The following SUMF1 variants were observed in gnomAD, a reference collection of about 807,000 sequenced individuals.
SUMF1 encodes formylglycine-generating enzyme.
In SUMF1, 48 loss-of-function variants were observed where a neutral mutation model predicts 47.6. The ratio of observed to expected loss-of-function variants is 1.01; its 90% CI spans 0.80 to 1.28. The LOEUF (loss-of-function observed/expected upper bound fraction) is 1.28, where lower values mean the gene tolerates loss of function less well. SUMF1 is among the 50% of genes most tolerant of loss of function. The pLI, the probability that SUMF1 is intolerant of heterozygous loss-of-function variation, is 0.00. For synonymous variants in SUMF1, 230 were observed against 192.1 expected, an observed-to-expected ratio of 1.20 and a Z score of -1.63; for missense variants, 571 against 485.4, an observed-to-expected ratio of 1.18 and a Z score of -1.66.
intron 8 of SUMF1, among the ~76,000 whole-genome samples, chr3:4,222,780 G>C (rs929565626): frequency 1.3e-5 from 2 of 152,120 alleles, no homozygotes; most frequent in Non-Finnish European, 2.9e-5. Context: ...CAGGATTCCT[G>C]AGTCATTGCC....
chr3:4,314,069 G>C, intron 8 of SUMF1: 1 of 480,016 alleles, frequency 2.1e-6, no homozygotes, highest in East Asian at 3.5e-5. Flanking sequence ...TCTTCCTGCT[G>C]GCTGGAATGT....
At chr3:4,191,945 G>A (rs17040166) in intron 8 of SUMF1, among the ~76,000 whole-genome samples, 3,478 of 152,218 alleles carry the variant, frequency 0.023, 143 homozygotes, top group African/African-American at 0.078. Context: ...TCTGTGAGAA[G>A]AGTGTTATTT....
At chr3:4,114,540 A>G (rs183435150) in intron 8 of SUMF1, among the ~76,000 whole-genome samples, 2 of 152,258 alleles carry the variant, frequency 1.3e-5, no homozygotes, top group Admixed American at 6.5e-5. Flanking sequence ...TATTATTTGC[A>G]TTTTATAATA....
At chr3:4,222,917 T>A (rs768476903) in intron 8 of SUMF1, among the ~76,000 whole-genome samples, 13 of 152,020 alleles carry the variant, frequency 8.6e-5, no homozygotes, top group Non-Finnish European at 1.5e-4. Context: ...CTACAACAAG[T>A]TGATGGCAGA....
chr3:4,224,053 A>G (rs1209929330), intron 8 of SUMF1, among the ~76,000 whole-genome samples: 2 of 152,116 alleles, frequency 1.3e-5, no homozygotes, highest in African/African-American at 4.8e-5. Context: ...CAAAAGAACC[A>G]GGGGCCGGGG....
intron 8 of SUMF1, among the ~76,000 whole-genome samples, chr3:4,246,948 T>A (rs1328021750): frequency 6.6e-6 from 1 of 152,176 alleles, no homozygotes; most frequent in Non-Finnish European, 1.5e-5. Flanking sequence ...GTTTAGCCAG[T>A]TTTTTTCAGG....
At chr3:4,358,430 G>A (rs77966112), downstream of SUMF1, among the ~76,000 whole-genome samples, 8 of 152,262 alleles carry the variant, frequency 5.3e-5, no homozygotes, top group East Asian at 5.8e-4. Context: ...CGGTCTGCTC[G>A]GCTCCAACTG....
intron 7 of SUMF1, among the ~76,000 whole-genome samples, chr3:4,405,176 G>C (rs1701336529): frequency 6.6e-6 from 1 of 152,168 alleles, no homozygotes; most frequent in Non-Finnish European, 1.5e-5. Context: ...ATCATGCAAT[G>C]GCAAAGAAGT....
At chr3:4,065,257 A>T (rs1287269581) in intron 9 of SUMF1, among the ~76,000 whole-genome samples, 1 of 152,194 alleles carries the variant, frequency 6.6e-6, no homozygotes, top group East Asian at 1.9e-4. Context: ...CAGAGAAGCA[A>T]TTACCTCTCC....
Position 4,350,094 on chromosome 3 carries a change from G to A in SUMF1, c.1014+26236C>T, listed in dbSNP as rs556499893. ...TGGGTCACTGCAACCTCTGCCTTCC[G>A]TGTTTGAGCAATTCTCCTGCCTCAG... On this transcript the variant is annotated intron_variant and NMD_transcript_variant, in intron 8 of 12. Transcript: ENST00000448413. Among the ~76,000 whole-genome samples, 82 of 151,344 alleles carry A rather than the reference G, an allele frequency of 5.4e-4. 1 individual carries two copies. In the South Asian group the frequency reaches 0.016, roughly 30 times the overall value.
chr3:4,097,323 G>A (rs1473166843), intron 8 of SUMF1, among the ~76,000 whole-genome samples: 1 of 152,096 alleles, frequency 6.6e-6, no homozygotes, highest in African/African-American at 2.4e-5. Context: ...GGCCAAGGCA[G>A]GCAGATCACG....
intron 3 of SUMF1, among the ~76,000 whole-genome samples, chr3:4,429,465 A>G (rs1702169315): frequency 6.6e-6 from 1 of 152,206 alleles, no homozygotes; most frequent in Admixed American, 6.5e-5. Flanking sequence ...AGCTTCTGAG[A>G]AGAGAGGTCA....
At chr3:4,416,256 A>G (rs1701708062) in intron 6 of SUMF1, among the ~76,000 whole-genome samples, 1 of 152,204 alleles carries the variant, frequency 6.6e-6, no homozygotes, top group African/African-American at 2.4e-5. Flanking sequence ...TCTTTCAAAA[A>G]TCATCAAAGA....
intron 8 of SUMF1, among the ~76,000 whole-genome samples, chr3:4,176,747 T>C (rs1047380905): frequency 6.6e-6 from 1 of 152,024 alleles, no homozygotes; most frequent in Non-Finnish European, 1.5e-5. Flanking sequence ...GACTGGCAAA[T>C]TGGATAAAGA....
At chr3:4,412,712 T>C (rs1285133393) in intron 6 of SUMF1, among the ~76,000 whole-genome samples, 1 of 152,028 alleles carries the variant, frequency 6.6e-6, no homozygotes, top group Non-Finnish European at 1.5e-5. Context: ...GGTCAAACCC[T>C]GTCTCTACTA....
At chr3:4,286,405 A>G (rs1304403485) in intron 8 of SUMF1, among the ~76,000 whole-genome samples, 1 of 152,124 alleles carries the variant, frequency 6.6e-6, no homozygotes, top group Non-Finnish European at 1.5e-5. Flanking sequence ...AAAAGCAGTA[A>G]AAGTCTAGAA....
chr3:4,191,890 G>T (rs1695323075), intron 8 of SUMF1, among the ~76,000 whole-genome samples: 1 of 152,088 alleles, frequency 6.6e-6, no homozygotes, highest in South Asian at 2.1e-4. Flanking sequence ...TGAGGTAGAG[G>T]CATATTCTAA....
chr3:4,222,901 C>A (rs1438004819), intron 8 of SUMF1, among the ~76,000 whole-genome samples: 1 of 152,020 alleles, frequency 6.6e-6, no homozygotes, highest in African/African-American at 2.4e-5. Flanking sequence ...TGATGTGCCC[C>A]GAGTCCTACA....
intron 8 of SUMF1, among the ~76,000 whole-genome samples, chr3:4,153,521 G>GAT (rs1694384593): frequency 3.6e-5 from 3 of 83,332 alleles, no homozygotes; most frequent in Non-Finnish European, 6.4e-5. Flanking sequence ...CCGCCTTGTA[G>GAT]GTTTTTTTTT....
Sources: gnomAD v4.1 joint callset for allele counts (sites outside exome capture counted in the v4.1 genomes callset) on GRCh38, gnomAD v4.1.1 for gene constraint, MANE v1.5 for transcripts, NCBI Gene and HGNC (gene_info 2026-07-23, HGNC 2026-07-21) for gene names.